The following GRIA2 variants were observed in gnomAD, a reference collection of about 807,000 sequenced individuals.
GRIA2 encodes glutamate receptor 2.
A neutral mutation model predicts 97.3 loss-of-function variants in GRIA2; 14 were observed. That is an observed-to-expected ratio of 0.14 (90% confidence interval 0.10 to 0.23). The LOEUF (loss-of-function observed/expected upper bound fraction) is 0.23, where lower values mean the gene tolerates loss of function less well. GRIA2 is among the 10% of genes least tolerant of loss of function. The probability of loss-of-function intolerance (pLI) is 1.00; values close to 1 mark genes in which losing one functional copy is unlikely to be tolerated. For synonymous variants in GRIA2, 412 were observed against 387.8 expected, an observed-to-expected ratio of 1.06 and a Z score of -0.73; for missense variants, 558 against 1,069.8, an observed-to-expected ratio of 0.52 and a Z score of 6.67.
At chr4:157,233,849 G>A (rs961898833) in intron 2 of GRIA2, among the ~76,000 whole-genome samples, 6 of 151,868 alleles carry the variant, frequency 4.0e-5, no homozygotes, top group South Asian at 2.1e-4. Context: ...TGTAAAGCTC[G>A]GTAGCATAAG....
Position 157,333,004 on chromosome 4 carries a change from A to G in GRIA2, c.1050+18A>G. The G allele has an allele frequency of 6.4e-7, 1 of 1,570,410 alleles. No homozygotes were observed. The highest frequency in any genetic ancestry group is 8.7e-7 in the Non-Finnish European group (1 of 1,155,788). ...TCAAACAGGTCAGTTACTCAAAATA[A>G]TCGTTAACGTGACTTAATATGGCCA... On this transcript the variant is annotated intron_variant, in intron 7 of 15. Transcript: ENST00000264426.
intron 5 of GRIA2, among the ~76,000 whole-genome samples, chr4:157,320,234 T>C (rs1734500048): frequency 6.6e-6 from 1 of 152,102 alleles, no homozygotes; most frequent in African/African-American, 2.4e-5. Flanking sequence ...GGCTTTGCTC[T>C]GAATAACATT....
chr4:157,228,172 C>T (rs955245874), intron 2 of GRIA2, among the ~76,000 whole-genome samples: 3 of 152,074 alleles, frequency 2.0e-5, no homozygotes, highest in Non-Finnish European at 4.4e-5. Flanking sequence ...CCCAGTGCAC[C>T]GACTCACTTA....
At chr4:157,226,122 T>C (rs1180601298) in intron 2 of GRIA2, among the ~76,000 whole-genome samples, 1 of 152,032 alleles carries the variant, frequency 6.6e-6, no homozygotes, top group Admixed American at 6.5e-5. Context: ...GTTATTAGTC[T>C]AGTTAAAGAT....
intron 2 of GRIA2, among the ~76,000 whole-genome samples, chr4:157,293,271 T>C (rs1246946011): frequency 6.6e-6 from 1 of 152,188 alleles, no homozygotes; most frequent in East Asian, 1.9e-4. Flanking sequence ...TGCAGCCTTG[T>C]TTGTAATCAC....
chr4:157,332,279 G>C (rs1735083484), intron 6 of GRIA2, among the ~76,000 whole-genome samples: 1 of 151,858 alleles, frequency 6.6e-6, no homozygotes, highest in Non-Finnish European at 1.5e-5. Flanking sequence ...GAAGTTTTGT[G>C]GTTCTTCTAC....
In GRIA2 at chr4:157,360,898, T is replaced by A. The variant is rs1579394468; in HGVS notation, c.2292-112T>A. The A allele has an allele frequency of 3.9e-6, 3 of 772,040 alleles. No individual in the cohort carries two copies. In the East Asian group the frequency reaches 8.1e-5, roughly 21 times the overall value. The allele number at this position is 772,040 out of a possible 1,614,324, so 47.8% of individuals were successfully genotyped here. On this transcript the variant is annotated intron_variant, in intron 13 of 15. Coordinates refer to ENST00000264426, the MANE Select transcript of GRIA2 (RefSeq NM_001083619.3). Reference sequence around the variant, plus strand: ...ATTGTGGCCTTTTTCCCACTTCATTTTTTTGTGACAAGAGTTGCCACAGAA... The same window carrying A: ...ATTGTGGCCTTTTTCCCACTTCATTATTTTGTGACAAGAGTTGCCACAGAA...
At chr4:157,290,943 A>G (rs1286882199) in intron 2 of GRIA2, among the ~76,000 whole-genome samples, 1 of 151,820 alleles carries the variant, frequency 6.6e-6, no homozygotes, top group Non-Finnish European at 1.5e-5. Flanking sequence ...TCTGCAATAT[A>G]CTCTGTGATT....
intron 2 of GRIA2, among the ~76,000 whole-genome samples, chr4:157,223,100 T>C (rs2126673075): frequency 6.6e-6 from 1 of 152,336 alleles, no homozygotes. Context: ...AACTGCAGTT[T>C]TCCCACGTCA....
intron 2 of GRIA2, among the ~76,000 whole-genome samples, chr4:157,271,056 A>G (rs571669301): frequency 6.6e-6 from 1 of 152,078 alleles, no homozygotes; most frequent in Non-Finnish European, 1.5e-5. Context: ...CCATATTAGA[A>G]TATAGATTAT....
intron 2 of GRIA2, among the ~76,000 whole-genome samples, chr4:157,257,702 T>A (rs370811740): frequency 6.6e-6 from 1 of 152,090 alleles, no homozygotes; most frequent in Non-Finnish European, 1.5e-5. Flanking sequence ...AATTTTCTAC[T>A]AGAAATAATT....
intron 2 of GRIA2, among the ~76,000 whole-genome samples, chr4:157,264,239 G>T (rs1731670061): frequency 6.6e-6 from 1 of 152,000 alleles, no homozygotes; most frequent in Non-Finnish European, 1.5e-5. Flanking sequence ...CAGTTCTGGA[G>T]GTTAGAAGTG....
intron 2 of GRIA2, among the ~76,000 whole-genome samples, chr4:157,278,422 CAAAA>C (rs1579326673): frequency 6.6e-6 from 1 of 151,728 alleles, no homozygotes; most frequent in Non-Finnish European, 1.5e-5. Context: ...TATTCAAAAA[CAAAA>C]AAAGAACCTG....
At chr4:157,312,926 A>G (rs766492024) in intron 4 of GRIA2, 51 bp downstream of exon 4, 3 of 1,085,384 alleles carry the variant, frequency 2.8e-6, no homozygotes, top group African/African-American at 1.6e-5. Context: ...TATGCATGCA[A>G]TGTCAGCATT....
intron 2 of GRIA2, among the ~76,000 whole-genome samples, chr4:157,222,351 G>C (rs1338427001): frequency 6.6e-6 from 1 of 152,204 alleles, no homozygotes; most frequent in Non-Finnish European, 1.5e-5. Flanking sequence ...CGAGCTCCAT[G>C]TTCTCCTCTT....
intron 2 of GRIA2, among the ~76,000 whole-genome samples, chr4:157,253,377 G>A (rs547039419): frequency 2.6e-5 from 4 of 151,996 alleles, no homozygotes; most frequent in Non-Finnish European, 5.9e-5. Flanking sequence ...TTGGCCTCCC[G>A]AAGTGCTGGG....
intron 12 of GRIA2, among the ~76,000 whole-genome samples, chr4:157,353,028 A>G (rs1010845335): frequency 6.6e-6 from 1 of 151,936 alleles, no homozygotes; most frequent in South Asian, 2.1e-4. Context: ...ACTGCACTTC[A>G]GCCTGGGCGA....
intron 2 of GRIA2, among the ~76,000 whole-genome samples, chr4:157,276,261 G>C (rs985427190): frequency 3.3e-5 from 5 of 152,000 alleles, no homozygotes; most frequent in Admixed American, 2.6e-4. Context: ...CCAAATAGTT[G>C]TATATTAAAC....
intron 2 of GRIA2, among the ~76,000 whole-genome samples, chr4:157,239,958 T>C (rs1730430559): frequency 6.6e-6 from 1 of 152,106 alleles, no homozygotes; most frequent in African/African-American, 2.4e-5. Flanking sequence ...TTATTCATCT[T>C]CCTTGTGCAA....
Sources: allele counts gnomAD v4.1 joint callset (sites outside exome capture counted in the v4.1 genomes callset), GRCh38; gene constraint gnomAD v4.1.1; transcripts MANE v1.5; gene names NCBI Gene and HGNC (gene_info 2026-07-23, HGNC 2026-07-21).